Variants in JAKMIP2 observed in about 807,000 individuals in gnomAD.
JAKMIP2 encodes janus kinase and microtubule interacting protein 2, also known as janus kinase and microtubule-interacting protein 2.
Under a neutral mutation model 115.0 loss-of-function variants are expected in JAKMIP2, and 25 were observed. The observed-to-expected ratio is 0.22, with a 90% CI of 0.16 to 0.30. JAKMIP2 has a LOEUF of 0.30. Among genes scored for constraint, JAKMIP2 ranks in the 10% least tolerant of loss-of-function variants. The pLI is 1.00. For missense variants in JAKMIP2, 642 were observed against 957.6 expected, an observed-to-expected ratio of 0.67 and a Z score of 4.35; for synonymous variants, 334 against 343.6, an observed-to-expected ratio of 0.97 and a Z score of 0.31.
At chr5:147,739,269 T>C (rs1257975023) in intron 1 of JAKMIP2, among the ~76,000 whole-genome samples, 2 of 152,074 alleles carry the variant, frequency 1.3e-5, no homozygotes, top group Non-Finnish European at 2.9e-5. Flanking sequence ...GGCGAGGTGC[T>C]GCGGCATCTG....
intron 3 of JAKMIP2, among the ~76,000 whole-genome samples, chr5:147,656,826 GT>G (rs1561518516): frequency 6.6e-6 from 1 of 152,134 alleles, no homozygotes; most frequent in Non-Finnish European, 1.5e-5. Context: ...GCAAGTACTG[GT>G]TTTTTCTTTC....
chr5:147,621,247 C>T lies in JAKMIP2; in HGVS notation c.2065-504G>A, dbSNP rs566837961. ...TTAATGAGTGGGTGTCTGCTTTTGCCACAAAGCCAGTGTGAGCTGGGAAAA... is the reference window on the plus strand; with the variant it reads ...TTAATGAGTGGGTGTCTGCTTTTGCTACAAAGCCAGTGTGAGCTGGGAAAA... On this transcript the variant is annotated intron_variant, in intron 17 of 21. Transcript: ENST00000616793. Among the ~76,000 whole-genome samples the T allele has an allele frequency of 1.2e-4, 18 of 152,234 alleles. No individual in the cohort carries two copies. In the East Asian group the frequency reaches 3.5e-3, roughly 29 times the overall value.
intron 1 of JAKMIP2, among the ~76,000 whole-genome samples, chr5:147,721,562 T>C (rs983780141): frequency 6.6e-6 from 1 of 152,142 alleles, no homozygotes; most frequent in Non-Finnish European, 1.5e-5. Context: ...TGCGCCGTTT[T>C]TTAAGCCCGT....
chr5:147,738,513 A>G (rs1339996072), intron 1 of JAKMIP2, among the ~76,000 whole-genome samples: 2 of 152,218 alleles, frequency 1.3e-5, no homozygotes, highest in Admixed American at 6.5e-5. Flanking sequence ...AAAAGCAGCA[A>G]TAGTACCCAC....
intron 19 of JAKMIP2, among the ~76,000 whole-genome samples, chr5:147,612,672 A>G (rs993836893): frequency 5.3e-5 from 8 of 151,344 alleles, no homozygotes; most frequent in Admixed American, 5.3e-4. Context: ...CACCACTGAC[A>G]TTGAGTTTGG....
chr5:147,649,822 C>T (rs1449788723), intron 4 of JAKMIP2, among the ~76,000 whole-genome samples: 1 of 152,090 alleles, frequency 6.6e-6, no homozygotes, highest in African/African-American at 2.4e-5. Context: ...TTCTATTGCG[C>T]ACTTCCGAAA....
chr5:147,611,289 G>A (rs148579134), intron 20 of JAKMIP2, among the ~76,000 whole-genome samples: 1,675 of 152,260 alleles, frequency 0.011, 17 homozygotes, highest in Middle Eastern at 0.027. Context: ...CTAGTTTTGT[G>A]CTTGAAACCC....
At chr5:147,767,292 G>A (rs181076546) in intron 1 of JAKMIP2, among the ~76,000 whole-genome samples, 4 of 152,206 alleles carry the variant, frequency 2.6e-5, no homozygotes, top group South Asian at 2.1e-4. Context: ...AAGAACTGAC[G>A]GAAAATGTGA....
intron 2 of JAKMIP2, among the ~76,000 whole-genome samples, chr5:147,665,680 A>T (rs1268613286): frequency 6.6e-6 from 1 of 152,180 alleles, no homozygotes; most frequent in Admixed American, 6.5e-5. Flanking sequence ...TTTTGATTAC[A>T]CTTAAAAATG....
Position 147,661,171 on chromosome 5 carries a change from A to G in JAKMIP2, c.404T>C (p.Ile135Thr), listed in dbSNP as rs151282096. ...SSDKVRTALT[I>T]EAREEARKLF... is the part of the protein sequence containing the mutation. ...TTTCCGGGCCTCCTCCCGGGCCTCA[A>G]TGGTGAGCGCTGTCCTTACTTTGTC... The change falls in exon 3 of 22, where the codon ATT becomes ACT. Residue 135 changes from isoleucine to threonine, a missense_variant. By Grantham distance (89) the Ile-to-Thr change is moderately conservative (BLOSUM62 -1). This residue lies in a region of JAKMIP2 where 439 missense variants were observed against 570.9 expected (regional missense o/e 0.77). Coordinates refer to ENST00000616793, the MANE Select transcript of JAKMIP2 (RefSeq NM_001270941.2). The G allele has an allele frequency of 3.9e-5, 63 of 1,614,056 alleles. No individual in the cohort carries two copies. The East Asian group carries it at 6.7e-4, about 17-fold the overall frequency.
chr5:147,767,193 C>T (rs1378958992), intron 1 of JAKMIP2, among the ~76,000 whole-genome samples: 1 of 152,094 alleles, frequency 6.6e-6, no homozygotes, highest in Non-Finnish European at 1.5e-5. Context: ...CACACGCGTG[C>T]ACGCACACAC....
At chr5:147,632,208 G>A (rs185502039) in intron 13 of JAKMIP2, among the ~76,000 whole-genome samples, 15 of 151,866 alleles carry the variant, frequency 9.9e-5, no homozygotes, top group African/African-American at 3.4e-4. Context: ...TTTCATAAAT[G>A]CATTAGGGAC....
intron 21 of JAKMIP2, 57 bp from the exon 22 acceptor site, chr5:147,591,743 T>TA: frequency 9.1e-7 from 1 of 1,097,226 alleles, no homozygotes; most frequent in Non-Finnish European, 1.4e-6. Context: ...AGCTGAATCA[T>TA]AAAAAACAAA....
chr5:147,772,541 T>A (rs1755399248), intron 1 of JAKMIP2, among the ~76,000 whole-genome samples: 1 of 151,538 alleles, frequency 6.6e-6, no homozygotes, highest in Non-Finnish European at 1.5e-5. Flanking sequence ...TTGCCAGATT[T>A]TCTTTTTTTT....
At chr5:147,649,293 A>C (rs1245036379) in intron 4 of JAKMIP2, among the ~76,000 whole-genome samples, 3 of 152,194 alleles carry the variant, frequency 2.0e-5, no homozygotes, top group Admixed American at 1.3e-4. Context: ...TAACTCCTTT[A>C]AGGTCTTGTG....
chr5:147,722,168 T>C (rs1753338561), intron 1 of JAKMIP2, among the ~76,000 whole-genome samples: 1 of 152,238 alleles, frequency 6.6e-6, no homozygotes, highest in Non-Finnish European at 1.5e-5. Context: ...AACCGATTGC[T>C]GTTTGTAATC....
At chr5:147,669,173 C>T (rs1350530178) in intron 2 of JAKMIP2, among the ~76,000 whole-genome samples, 2 of 152,150 alleles carry the variant, frequency 1.3e-5, no homozygotes, top group Non-Finnish European at 2.9e-5. Flanking sequence ...AAATACAATC[C>T]TATTTATTTA....
At chr5:147,603,142 T>C (rs1436456709) in intron 20 of JAKMIP2, among the ~76,000 whole-genome samples, 1 of 152,170 alleles carries the variant, frequency 6.6e-6, no homozygotes, top group Non-Finnish European at 1.5e-5. Flanking sequence ...ATCCCTGCCG[T>C]GTGGTGGGCA....
intron 21 of JAKMIP2, among the ~76,000 whole-genome samples, chr5:147,600,333 A>C (rs1031969073): frequency 1.3e-5 from 2 of 152,106 alleles, no homozygotes; most frequent in Non-Finnish European, 2.9e-5. Context: ...GTGAGTTATG[A>C]GTTCATATAT....
Sources: gnomAD v4.1 joint callset for allele counts (sites outside exome capture counted in the v4.1 genomes callset) on GRCh38, gnomAD v4.1.1 for gene constraint, gnomAD v4.1.1 regional missense constraint, MANE v1.5 for transcripts, NCBI Gene and HGNC (gene_info 2026-07-23, HGNC 2026-07-21) for gene names.